PARM1: variants seen among roughly 807,000 people sequenced by gnomAD.
The protein encoded by PARM1 is WSC4, cell wall integrity and stress response component 4 homolog.
In PARM1, 14 loss-of-function variants were observed where a neutral mutation model predicts 24.6. That is an observed-to-expected ratio of 0.57 (90% CI 0.38 to 0.89). The LOEUF is 0.89. Among genes scored for constraint, PARM1 ranks in the 40% least tolerant of loss-of-function variants. The pLI is 0.00. For missense variants in PARM1, 362 were observed against 380.4 expected (o/e 0.95, Z 0.40); for synonymous variants, 179 against 156.6 (o/e 1.14, Z -1.07).
At chr4:75,033,637 C>T (rs774043890) in intron 2 of PARM1, among the ~76,000 whole-genome samples, 2 of 152,090 alleles carry the variant, frequency 1.3e-5, no homozygotes, top group Non-Finnish European at 2.9e-5. Flanking sequence ...TCCAGGCCAG[C>T]CAAAAAGTCT....
chr4:74,939,371 G>A (rs1721256954), intron 1 of PARM1, among the ~76,000 whole-genome samples: 1 of 152,118 alleles, frequency 6.6e-6, no homozygotes, highest in Non-Finnish European at 1.5e-5. Context: ...TCCATTAACT[G>A]TGTATTCCTG....
At chr4:74,949,805 G>C (rs1721489206) in intron 1 of PARM1, among the ~76,000 whole-genome samples, 1 of 150,776 alleles carries the variant, frequency 6.6e-6, no homozygotes, top group African/African-American at 2.4e-5. Context: ...GCATCAAATA[G>C]AGGCACTTCC....
intron 1 of PARM1, among the ~76,000 whole-genome samples, chr4:74,972,035 G>T (rs1722047840): frequency 6.6e-6 from 1 of 152,202 alleles, no homozygotes; most frequent in South Asian, 2.1e-4. Context: ...TTAGGGTGTG[G>T]CTGTAAGTCT....
chr4:74,960,893 T>C (rs1365540741), intron 1 of PARM1, among the ~76,000 whole-genome samples: 2 of 151,132 alleles, frequency 1.3e-5, no homozygotes, highest in Non-Finnish European at 2.9e-5. Flanking sequence ...CAGGCCCCTG[T>C]AGCTGGCAGG....
At chr4:74,998,653 G>C (rs1179510609) in intron 1 of PARM1, among the ~76,000 whole-genome samples, 3 of 152,174 alleles carry the variant, frequency 2.0e-5, no homozygotes, top group African/African-American at 7.2e-5. Context: ...AATAACATCT[G>C]AACTGGAAAT....
intron 1 of PARM1, chr4:74,956,509 G>T (rs1721637668): frequency 6.6e-6 from 1 of 152,196 alleles, no homozygotes; most frequent in Non-Finnish European, 1.5e-5. Flanking sequence ...TCTATGACCA[G>T]CAAGAAAACA....
intron 1 of PARM1, among the ~76,000 whole-genome samples, chr4:74,935,897 A>G (rs1388164009): frequency 6.6e-6 from 1 of 152,106 alleles, no homozygotes; most frequent in Non-Finnish European, 1.5e-5. Flanking sequence ...CTGGAGTGCA[A>G]TGGCGCGATT....
intron 1 of PARM1, among the ~76,000 whole-genome samples, chr4:74,974,814 A>G (rs1361861976): frequency 6.6e-6 from 1 of 152,160 alleles, no homozygotes; most frequent in Non-Finnish European, 1.5e-5. Flanking sequence ...TTGTGATGGG[A>G]GTAGTGCCCT....
At chr4:74,943,450 A>C (rs533747618) in intron 1 of PARM1, among the ~76,000 whole-genome samples, 1 of 152,200 alleles carries the variant, frequency 6.6e-6, no homozygotes, top group Admixed American at 6.5e-5. Context: ...GACATTGGCA[A>C]ACTTGCTTAC....
intron 3 of PARM1, among the ~76,000 whole-genome samples, chr4:75,035,438 C>A (rs1001688027): frequency 2.0e-5 from 3 of 152,102 alleles, no homozygotes; most frequent in African/African-American, 7.2e-5. Flanking sequence ...ACACAGACAC[C>A]CCTGACTTGT....
intron 1 of PARM1, among the ~76,000 whole-genome samples, chr4:74,978,821 A>T (rs1722189219): frequency 6.6e-6 from 1 of 152,160 alleles, no homozygotes; most frequent in African/African-American, 2.4e-5. Flanking sequence ...AAAACCACAC[A>T]ATTTCATCAA....
intron 1 of PARM1, among the ~76,000 whole-genome samples, chr4:74,995,234 A>T (rs1244973761): frequency 1.3e-5 from 2 of 152,158 alleles, no homozygotes; most frequent in Non-Finnish European, 2.9e-5. Flanking sequence ...TGTCTTTAAG[A>T]TCCATCTAGA....
At chr4:74,960,270 G>A (rs1482987413) in intron 1 of PARM1, among the ~76,000 whole-genome samples, 1 of 152,136 alleles carries the variant, frequency 6.6e-6, no homozygotes, top group Admixed American at 6.6e-5. Flanking sequence ...AAGATCTAAA[G>A]GACCAGTGCA....
At chr4:74,936,615 G>A (rs759329218) in intron 1 of PARM1, among the ~76,000 whole-genome samples, 11 of 151,608 alleles carry the variant, frequency 7.3e-5, no homozygotes, top group Admixed American at 3.9e-4. Context: ...CACCACACCC[G>A]TCTAATTTTT....
chr4:74,973,013 A>G (rs7698344), intron 1 of PARM1, among the ~76,000 whole-genome samples: 4,178 of 152,250 alleles, frequency 0.027, 85 homozygotes, highest in South Asian at 0.077. Flanking sequence ...GTCCTCACTT[A>G]CACATAATGA....
At chr4:74,957,885 C>T (rs1302532007) in intron 1 of PARM1, among the ~76,000 whole-genome samples, 1 of 152,132 alleles carries the variant, frequency 6.6e-6, no homozygotes, top group Non-Finnish European at 1.5e-5. Flanking sequence ...TGCAGTATTC[C>T]AAATGGCCTC....
Position 75,047,966 on chromosome 4 carries a change from AAAAC to A in PARM1, c.*1725_*1728del, listed in dbSNP as rs1259428587. The A allele has an allele frequency of 6.6e-6, 1 of 152,216 alleles. No individual in the cohort carries two copies. The allele number at this position is 152,216 out of a possible 1,614,324, so 9.4% of individuals were successfully genotyped here. ...CTTATGTCCTGATTTCATATAGTAG[AAAAC>A]AAACATTGGGTCCGACTTCAAAATG... On this transcript the variant is annotated 3_prime_UTR_variant, in exon 4 of 4. Transcript: ENST00000307428.
At position 75,012,413 on chromosome 4, in the gene PARM1, G is replaced by A. The variant is rs763452456; in HGVS notation, c.44-12G>A. On this transcript the variant is annotated splice_polypyrimidine_tract_variant and intron_variant, in intron 1 of 3. Transcript: ENST00000307428. ...TCACATATTAACCACTTTTGTACTG[G>A]CTTTTCCACAGGATGGAGGGTACAG... 1.5e-5 allele frequency: 24 copies of A among 1,609,516 alleles called. 1 individual carries two copies. In the African/African-American group the frequency reaches 3.1e-4, roughly 21 times the overall value.
At chr4:74,998,828 C>T (rs1240218052) in intron 1 of PARM1, among the ~76,000 whole-genome samples, 2 of 152,184 alleles carry the variant, frequency 1.3e-5, no homozygotes, top group Non-Finnish European at 2.9e-5. Context: ...GATTGCCTGC[C>T]TATCTTTGAC....
Sources: allele counts gnomAD v4.1 joint callset (sites outside exome capture counted in the v4.1 genomes callset), GRCh38; gene constraint gnomAD v4.1.1; transcripts MANE v1.5; gene names NCBI Gene and HGNC (gene_info 2026-07-23, HGNC 2026-07-21).